The following ENTREP1 variants were observed in gnomAD, a reference collection of about 807,000 sequenced individuals.
The protein encoded by ENTREP1 is Friedreich ataxia region gene X123.
chr9:69,326,946 G>A, the ENTREP1 span, among the ~76,000 whole-genome samples: 1 of 148,878 alleles, frequency 6.7e-6, no homozygotes, highest in African/African-American at 2.5e-5. Flanking sequence ...TATAATCAGT[G>A]TATGTCCTGA....
the ENTREP1 span, chr9:69,325,712 G>T: frequency 8.1e-7 from 1 of 1,229,028 alleles, no homozygotes; most frequent in Non-Finnish European, 1.0e-6. Flanking sequence ...CCCGTTCTGG[G>T]CCGGCTCCTC....
At chr9:69,360,168 T>A in the ENTREP1 span, among the ~76,000 whole-genome samples, 1 of 152,246 alleles carries the variant, frequency 6.6e-6, no homozygotes, top group Admixed American at 6.5e-5. Context: ...GCTTTAAATT[T>A]AGTTTTTCCA....
At chr9:69,345,121 A>G in the ENTREP1 span, among the ~76,000 whole-genome samples, 1 of 152,228 alleles carries the variant, frequency 6.6e-6, no homozygotes, top group Non-Finnish European at 1.5e-5. Flanking sequence ...CATGCAAAGT[A>G]GATGGATTGG....
chr9:69,382,844 AT>A, the ENTREP1 span: 12 of 199,244 alleles, frequency 6.0e-5, no homozygotes, highest in Non-Finnish European at 9.0e-5. Flanking sequence ...CTTTTTTTGT[AT>A]TTCAAGAACA....
At chr9:69,344,673 C>G in the ENTREP1 span, among the ~76,000 whole-genome samples, 3 of 152,094 alleles carry the variant, frequency 2.0e-5, no homozygotes, top group African/African-American at 7.2e-5. Flanking sequence ...GACCTCTACC[C>G]CCTGGAGCTC....
At chr9:69,343,353 A>T in the ENTREP1 span, among the ~76,000 whole-genome samples, 120 of 152,312 alleles carry the variant, frequency 7.9e-4, no homozygotes, top group Non-Finnish European at 1.4e-3. Context: ...TATAAGACCC[A>T]CTTCAGTAAG....
chr9:69,362,144 G>A, the ENTREP1 span, among the ~76,000 whole-genome samples: 5 of 152,200 alleles, frequency 3.3e-5, no homozygotes, highest in East Asian at 3.9e-4. Flanking sequence ...GGTTTAAGTC[G>A]CATCTTGAGA....
the ENTREP1 span, chr9:69,387,615 C>A: frequency 4.3e-6 from 1 of 234,862 alleles, no homozygotes; most frequent in South Asian, 6.1e-5. Context: ...ATAGATCTAC[C>A]TCATATCCAT....
At chr9:69,375,226 A>G in the ENTREP1 span, among the ~76,000 whole-genome samples, 4 of 152,226 alleles carry the variant, frequency 2.6e-5, no homozygotes, top group Non-Finnish European at 5.9e-5. Context: ...TGTATCAAGA[A>G]TGGACTTGTT....
the ENTREP1 span, chr9:69,324,911 G>A: frequency 3.0e-6 from 3 of 985,144 alleles, no homozygotes; most frequent in East Asian, 1.1e-4. Flanking sequence ...TGTCCTGGCC[G>A]TGAGGTGCCT....
At chr9:69,351,221 T>C in the ENTREP1 span, among the ~76,000 whole-genome samples, 3 of 152,172 alleles carry the variant, frequency 2.0e-5, no homozygotes, top group Non-Finnish European at 4.4e-5. Context: ...CCCAGTAATC[T>C]CTTCTGCCTA....
the ENTREP1 span, chr9:69,383,179 T>C: frequency 2.2e-6 from 2 of 928,176 alleles, no homozygotes; most frequent in Non-Finnish European, 2.6e-6. Context: ...GTGAAACTCA[T>C]ATAAAATGAA....
chr9:69,337,781 A>G, the ENTREP1 span, among the ~76,000 whole-genome samples: 2 of 152,182 alleles, frequency 1.3e-5, no homozygotes, highest in Admixed American at 1.3e-4. Flanking sequence ...GAATTGTGGT[A>G]TACTTAAATT....
the ENTREP1 span, chr9:69,383,752 A>C: frequency 6.2e-7 from 1 of 1,614,214 alleles, no homozygotes; most frequent in Non-Finnish European, 8.5e-7. Context: ...CAGATGGACC[A>C]GGAGCAGGTA....
chr9:69,368,108 T>C, the ENTREP1 span, among the ~76,000 whole-genome samples: 1 of 151,856 alleles, frequency 6.6e-6, no homozygotes, highest in Admixed American at 6.6e-5. Flanking sequence ...AGTCTTTAGA[T>C]TTTTCTAGCA....
the ENTREP1 span, among the ~76,000 whole-genome samples, chr9:69,359,970 C>CTT: frequency 2.3e-5 from 3 of 128,582 alleles, no homozygotes; most frequent in Admixed American, 1.6e-4. Context: ...TCTTATTTTG[C>CTT]TTTTTTTTTT....
the ENTREP1 span, among the ~76,000 whole-genome samples, chr9:69,334,054 G>A: frequency 6.6e-6 from 1 of 152,200 alleles, no homozygotes; most frequent in Admixed American, 6.5e-5. Context: ...AAATAAGTGA[G>A]GACCAGACAA....
chr9:69,349,535 A>T, the ENTREP1 span, among the ~76,000 whole-genome samples: 1 of 152,074 alleles, frequency 6.6e-6, no homozygotes, highest in South Asian at 2.1e-4. Flanking sequence ...TTATGTGTGT[A>T]TTGGCCATTT....
At chr9:69,334,972 C>T in the ENTREP1 span, among the ~76,000 whole-genome samples, 1 of 151,994 alleles carries the variant, frequency 6.6e-6, no homozygotes, top group East Asian at 1.9e-4. Context: ...GTTGTCCAGG[C>T]TGGTCTCAAA....
Sources: allele counts gnomAD v4.1 joint callset (sites outside exome capture counted in the v4.1 genomes callset), GRCh38; gene constraint gnomAD v4.1.1; transcripts MANE v1.5; gene names NCBI Gene and HGNC (gene_info 2026-07-23, HGNC 2026-07-21).